Variants in SNX24 observed in about 807,000 individuals in gnomAD.
SNX24 encodes the protein sorting nexin 24.
Under a neutral mutation model 28.7 loss-of-function variants are expected in SNX24, and 22 were observed. That is an observed-to-expected ratio of 0.77 (90% CI 0.55 to 1.10). SNX24 has a LOEUF of 1.10. SNX24 is among the 50% of genes least tolerant of loss of function. The pLI, the probability that SNX24 is intolerant of heterozygous loss-of-function variation, is 0.00. For missense variants in SNX24, 221 were observed against 201.1 expected (o/e 1.10, Z -0.60); for synonymous variants, 69 against 71.5 (o/e 0.96, Z 0.18).
chr5:122,929,923 A>C (rs1002954151), intron 1 of SNX24, among the ~76,000 whole-genome samples: 1 of 151,858 alleles, frequency 6.6e-6, no homozygotes, highest in African/African-American at 2.4e-5. Flanking sequence ...GAATGTGTAT[A>C]TAATAAACCA....
intron 3 of SNX24, among the ~76,000 whole-genome samples, chr5:122,967,450 G>C (rs964905902): frequency 6.6e-6 from 1 of 152,130 alleles, no homozygotes; most frequent in African/African-American, 2.4e-5. Flanking sequence ...GTGGGAAGCT[G>C]GTACCTGAGG....
intron 3 of SNX24, 39 bp downstream of exon 3, chr5:122,946,198 T>A (rs543086767): frequency 8.6e-7 from 1 of 1,166,242 alleles, no homozygotes; most frequent in Non-Finnish European, 1.3e-6. Context: ...ATAACATAAA[T>A]AATCATATGT....
rs74980207 is a variant in SNX24 at position 122,898,435 on chromosome 5, C to T, written c.61-38299C>T. On this transcript the variant is annotated intron_variant, in intron 1 of 6. Coordinates refer to ENST00000261369, the MANE Select transcript of SNX24 (RefSeq NM_014035.4). ...AATGCTTAAAGTAAAAACCCTTTCC[C>T]AGATCTGAGGCCCTGCAGGCAGTGT... Among the ~76,000 whole-genome samples the T allele has an allele frequency of 5.8e-4, 88 of 152,268 alleles. 1 individual carries two copies. Among genetic ancestry groups the T allele is most frequent in the African/African-American group, 1.9e-3 (79 of 41,552 alleles).
intron 3 of SNX24, among the ~76,000 whole-genome samples, chr5:122,986,298 A>G (rs1305698048): frequency 6.6e-6 from 1 of 152,230 alleles, no homozygotes; most frequent in East Asian, 1.9e-4. Context: ...CAAGAAGTCT[A>G]GCCTGGAGAT....
chr5:122,979,143 G>T (rs529169121), intron 3 of SNX24, among the ~76,000 whole-genome samples: 1 of 152,126 alleles, frequency 6.6e-6, no homozygotes, highest in African/African-American at 2.4e-5. Flanking sequence ...AACAGAGGCC[G>T]GGTATTGATT....
intron 3 of SNX24, among the ~76,000 whole-genome samples, chr5:122,954,916 T>G (rs946396935): frequency 6.6e-6 from 1 of 152,188 alleles, no homozygotes; most frequent in Non-Finnish European, 1.5e-5. Flanking sequence ...GTCTCTTATC[T>G]GATTCAAAAG....
At chr5:122,972,205 G>A (rs1760987712) in intron 3 of SNX24, among the ~76,000 whole-genome samples, 2 of 152,134 alleles carry the variant, frequency 1.3e-5, no homozygotes, top group South Asian at 4.2e-4. Flanking sequence ...TGGAATCATT[G>A]TTGTGTCTCC....
chr5:122,935,691 T>G (rs1197083945), intron 1 of SNX24, among the ~76,000 whole-genome samples: 1 of 150,704 alleles, frequency 6.6e-6, no homozygotes, highest in Non-Finnish European at 1.5e-5. Flanking sequence ...GCAATCTATT[T>G]TCATAATGAA....
At chr5:123,001,903 C>T in intron 5 of SNX24, 37 bp from the exon 6 acceptor site, 6 of 1,578,138 alleles carry the variant, frequency 3.8e-6, no homozygotes, top group Non-Finnish European at 5.2e-6. Context: ...TTACCATCGT[C>T]CCCTGATGCT....
At chr5:123,016,996 T>C (rs1205362124) in intron 5 of SNX24, among the ~76,000 whole-genome samples, 4 of 152,104 alleles carry the variant, frequency 2.6e-5, no homozygotes, top group Non-Finnish European at 5.9e-5. Context: ...CCTAGGTTTT[T>C]CCCACCATGG....
chr5:122,949,976 T>G (rs923745087), intron 3 of SNX24, among the ~76,000 whole-genome samples: 1 of 152,222 alleles, frequency 6.6e-6, no homozygotes, highest in Non-Finnish European at 1.5e-5. Context: ...CCTAGAATCA[T>G]TTTCTGTTTA....
chr5:123,007,849 C>A lies in SNX24; in HGVS notation c.*100C>A. The A allele has an allele frequency of 6.5e-7, 1 of 1,529,190 alleles. No homozygotes were observed. Among genetic ancestry groups the A allele is most frequent in the Non-Finnish European group, 8.7e-7 (1 of 1,143,230 alleles). 94.7% of individuals were successfully genotyped at this position (1,529,190 alleles called of 1,614,324 possible). A position where few individuals can be genotyped will look rare whatever the true frequency, so the allele number is the denominator to read the frequency against. ...ACCTAAACGCTATGATATATAACAG[C>A]TCTAGCTAGTGGTAAAGTGCACAGT... On this transcript the variant is annotated 3_prime_UTR_variant, in exon 7 of 7. Transcript: ENST00000261369.
chr5:122,967,804 G>C (rs1474544880), intron 3 of SNX24, among the ~76,000 whole-genome samples: 1 of 152,070 alleles, frequency 6.6e-6, no homozygotes, highest in Non-Finnish European at 1.5e-5. Flanking sequence ...GGCTTACCAG[G>C]AGTCCTGCTG....
At chr5:122,906,912 C>T (rs1007953208) in intron 1 of SNX24, among the ~76,000 whole-genome samples, 2 of 152,186 alleles carry the variant, frequency 1.3e-5, no homozygotes, top group East Asian at 1.9e-4. Flanking sequence ...GCCCCAGCAG[C>T]GTGACTCTAG....
chr5:122,912,129 A>G (rs1409773661), intron 1 of SNX24, among the ~76,000 whole-genome samples: 5 of 135,710 alleles, frequency 3.7e-5, no homozygotes, highest in Non-Finnish European at 6.2e-5. Context: ...ATTTGTTTGT[A>G]TCCTCTTTTA....
chr5:122,982,448 C>G (rs980300461), intron 3 of SNX24, among the ~76,000 whole-genome samples: 17 of 152,216 alleles, frequency 1.1e-4, no homozygotes, highest in African/African-American at 4.1e-4. Flanking sequence ...TATGGGTAAT[C>G]TAAAATGAAA....
intron 3 of SNX24, among the ~76,000 whole-genome samples, chr5:122,956,121 T>C (rs577635988): frequency 1.6e-4 from 24 of 152,150 alleles, no homozygotes; most frequent in African/African-American, 4.8e-4. Flanking sequence ...AAGTCTGCGA[T>C]ATATAAGGCA....
At chr5:122,878,281 G>A (rs943627042) in intron 1 of SNX24, among the ~76,000 whole-genome samples, 2 of 152,114 alleles carry the variant, frequency 1.3e-5, no homozygotes, top group African/African-American at 4.8e-5. Flanking sequence ...GTGTGGTTCT[G>A]GAGACCCAGT....
intron 2 of SNX24, among the ~76,000 whole-genome samples, chr5:122,942,848 A>G (rs1277464386): frequency 6.6e-6 from 1 of 152,146 alleles, no homozygotes; most frequent in Admixed American, 6.5e-5. Context: ...ACTCACCTAC[A>G]AATGCTGTCA....
Sources: gnomAD v4.1 joint callset for allele counts (sites outside exome capture counted in the v4.1 genomes callset) on GRCh38, gnomAD v4.1.1 for gene constraint, MANE v1.5 for transcripts, NCBI Gene and HGNC (gene_info 2026-07-23, HGNC 2026-07-21) for gene names.